Variants in TSPAN8 observed in about 807,000 individuals in gnomAD.
TSPAN8 encodes the protein tetraspanin 8.
TSPAN8 carries 21 observed loss-of-function variants against 32.8 expected under a neutral mutation model. The ratio of observed to expected loss-of-function variants is 0.64; its 90% CI spans 0.45 to 0.92. The LOEUF (loss-of-function observed/expected upper bound fraction) is 0.92. TSPAN8 is among the 40% of genes least tolerant of loss of function. The pLI, the probability that TSPAN8 is intolerant of heterozygous loss-of-function variation, is 0.00. For missense variants in TSPAN8, 269 were observed against 281.9 expected, an observed-to-expected ratio of 0.95 and a Z score of 0.33; for synonymous variants, 95 against 94.6, an observed-to-expected ratio of 1.00 and a Z score of -0.03.
In TSPAN8 at chr12:71,155,783, G is replaced by A. The variant is rs373893910; in HGVS notation, c.60+1836C>T. 1.5e-3 allele frequency among the ~76,000 whole-genome samples: 224 copies of A among 151,830 alleles called. 1 individual carries two copies. The highest frequency in any genetic ancestry group is 0.01 in the Middle Eastern group (3 of 294). ...ATCTCACTCTGTCGCCCAGGCTGGA[G>A]TGCAGTGGTGCGAGCTCGGCTCACT... On this transcript the variant is annotated intron_variant, in intron 2 of 8. Transcript: ENST00000247829.
At chr12:71,150,374 G>A (rs149709469) in intron 2 of TSPAN8, among the ~76,000 whole-genome samples, 290 of 152,184 alleles carry the variant, frequency 1.9e-3, no homozygotes, top group African/African-American at 6.5e-3. Context: ...AGAAGCATGT[G>A]ATCTTTGTTC....
At chr12:71,126,329 A>G (rs761286078) in intron 8 of TSPAN8, among the ~76,000 whole-genome samples, 3 of 152,188 alleles carry the variant, frequency 2.0e-5, no homozygotes, top group African/African-American at 7.2e-5. Flanking sequence ...TTCCATTCAA[A>G]ATGTGCTACA....
At chr12:71,139,607 A>T in intron 4 of TSPAN8, 104 bp downstream of exon 4, 1 of 1,411,416 alleles carries the variant, frequency 7.1e-7, no homozygotes, top group Non-Finnish European at 9.6e-7. Context: ...AGTTGGAGTT[A>T]GAGTTTCATC....
At chr12:71,125,515 ATC>A (rs1805135802) in intron 8 of TSPAN8, 128 bp from the exon 9 acceptor site, 1 of 721,764 alleles carries the variant, frequency 1.4e-6, no homozygotes, top group African/African-American at 1.8e-5. Flanking sequence ...TATCTAACTC[ATC>A]TCTCTTGGGA....
intron 2 of TSPAN8, among the ~76,000 whole-genome samples, chr12:71,151,138 A>C (rs1872241557): frequency 6.7e-6 from 1 of 150,174 alleles, no homozygotes; most frequent in East Asian, 2.0e-4. Flanking sequence ...ATCTTGGCTC[A>C]CTACAAGCTC....
At chr12:71,141,773 A>G (rs1871909762) in intron 3 of TSPAN8, among the ~76,000 whole-genome samples, 1 of 152,222 alleles carries the variant, frequency 6.6e-6, no homozygotes, top group African/African-American at 2.4e-5. Context: ...GGGGAGGAAC[A>G]GCAGGGTTTG....
intron 8 of TSPAN8, among the ~76,000 whole-genome samples, chr12:71,127,625 A>T (rs1419401905): frequency 6.6e-6 from 1 of 152,174 alleles, no homozygotes; most frequent in East Asian, 1.9e-4. Flanking sequence ...TTAGAAGAAC[A>T]AATAAAATAT....
At chr12:71,127,545 G>A (rs1202432926) in intron 8 of TSPAN8, among the ~76,000 whole-genome samples, 2 of 152,000 alleles carry the variant, frequency 1.3e-5, no homozygotes, top group Non-Finnish European at 2.9e-5. Context: ...TGATAGTAAC[G>A]CAAAAACTTC....
chr12:71,136,196 T>A (rs1289443879), intron 6 of TSPAN8, among the ~76,000 whole-genome samples: 1 of 151,906 alleles, frequency 6.6e-6, no homozygotes, highest in East Asian at 1.9e-4. Context: ...CAAAGAAAAA[T>A]CTATCATATA....
At chr12:71,142,782 C>A (rs953746892) in intron 3 of TSPAN8, among the ~76,000 whole-genome samples, 8 of 151,010 alleles carry the variant, frequency 5.3e-5, no homozygotes, top group Non-Finnish European at 1.2e-4. Context: ...ATCCTCTGGG[C>A]TCCCTAAGGG....
At chr12:71,146,358 G>C (rs140023875) in intron 2 of TSPAN8, among the ~76,000 whole-genome samples, 1 of 151,972 alleles carries the variant, frequency 6.6e-6, no homozygotes, top group Admixed American at 6.6e-5. Context: ...GAAATTATTC[G>C]TAACTTTGTT....
intron 6 of TSPAN8, among the ~76,000 whole-genome samples, chr12:71,134,479 G>T (rs968472245): frequency 6.6e-5 from 10 of 152,186 alleles, no homozygotes; most frequent in Admixed American, 3.3e-4. Context: ...ACGAAGTCTT[G>T]TACTTATGTC....
chr12:71,155,917 G>A (rs1285306251), intron 2 of TSPAN8, among the ~76,000 whole-genome samples: 1 of 151,850 alleles, frequency 6.6e-6, no homozygotes, highest in Non-Finnish European at 1.5e-5. Flanking sequence ...ATTTTTAGTA[G>A]AGGCAGGGTT....
intron 2 of TSPAN8, among the ~76,000 whole-genome samples, chr12:71,149,937 C>T (rs536035545): frequency 8.5e-5 from 13 of 152,238 alleles, no homozygotes; most frequent in Non-Finnish European, 1.3e-4. Context: ...AGCCTATAAA[C>T]GGACATGCAA....
chr12:71,155,362 G>A (rs545038370), intron 2 of TSPAN8, among the ~76,000 whole-genome samples: 74 of 152,042 alleles, frequency 4.9e-4, no homozygotes, highest in Admixed American at 4.6e-4. Context: ...TATGATTGTC[G>A]TGTGAAAAAA....
rs1221676058 is a variant in TSPAN8 at position 71,125,132 on chromosome 12, C to T, written c.*202G>A. ...GTTACTTTTATTTTGAGTAAAAATA[C>T]ACATTCATATCATTTTCCCTTATAT... On this transcript the variant is annotated 3_prime_UTR_variant, in exon 9 of 9. Coordinates refer to ENST00000247829, the MANE Select transcript of TSPAN8 (RefSeq NM_004616.3). The T allele has an allele frequency of 1.3e-5, 6 of 472,662 alleles. No homozygotes were observed. The highest frequency in any genetic ancestry group is 1.2e-4 in the African/African-American group (6 of 50,660). 29.3% of individuals were successfully genotyped at this position (472,662 alleles called of 1,614,324 possible). A position where few individuals can be genotyped will look rare whatever the true frequency, so the allele number is the denominator to read the frequency against.
rs1387270262 is a variant in TSPAN8 at position 71,139,779 on chromosome 12, T to C, written c.193A>G (p.Ile65Val). The C allele has an allele frequency of 1.9e-6, 3 of 1,614,114 alleles. No homozygotes were observed. Among genetic ancestry groups the C allele is most frequent in the Non-Finnish European group, 2.5e-6 (3 of 1,179,948 alleles). ...AVDILIAVGA[I>V]IMILGFLGCC... The stretch of plus-strand genomic sequence containing the variant: ...CCCAGGAAGCCCAGAATCATGATGA[T>C]GGCACCTACAGCAATCAATATGTCC... Residue 65 changes from isoleucine to valine, a missense_variant, in exon 4 of 9, where the codon ATC becomes GTC. Coordinates refer to ENST00000247829, the MANE Select transcript of TSPAN8 (RefSeq NM_004616.3).
Position 71,137,976 on chromosome 12 carries a change from C to T in TSPAN8, c.421G>A (p.Ala141Thr), listed in dbSNP as rs771295922. The T allele has an allele frequency of 6.2e-7, 1 of 1,613,576 alleles. No homozygotes were observed. Among genetic ancestry groups the T allele is most frequent in the Non-Finnish European group, 8.5e-7 (1 of 1,179,886 alleles). The part of the protein sequence containing the change: ...TGESEKQFQE[A>T]IIVFQEEFKC... ...ACCTCTTCTTGAAACACAATTATGG[C>T]TTCCTGGAATTGTTTTTCACTTTCC... Residue 141 changes from alanine (A) to threonine (T), a missense_variant, in exon 6 of 9, where the codon GCC (alanine) becomes ACC (threonine). Ala to Thr is a moderately conservative substitution (Grantham distance 58, BLOSUM62 0). Coordinates refer to ENST00000247829, the MANE Select transcript of TSPAN8 (RefSeq NM_004616.3).
intron 2 of TSPAN8, among the ~76,000 whole-genome samples, chr12:71,153,966 G>A (rs559397538): frequency 6.6e-6 from 1 of 152,244 alleles, no homozygotes; most frequent in South Asian, 2.1e-4. Flanking sequence ...GCATCAGAAA[G>A]ACTTGTCTCT....
Sources: allele counts gnomAD v4.1 joint callset (sites outside exome capture counted in the v4.1 genomes callset), GRCh38; gene constraint gnomAD v4.1.1; transcripts MANE v1.5; gene names NCBI Gene and HGNC (gene_info 2026-07-23, HGNC 2026-07-21).